The following ERG variants were observed in gnomAD, a reference collection of about 807,000 sequenced individuals.
ERG encodes transcriptional regulator ERG.
Under a neutral mutation model 55.3 loss-of-function variants are expected in ERG, and 9 were observed. The observed-to-expected ratio is 0.16, with a 90% CI of 0.10 to 0.28. ERG has a LOEUF of 0.28. Ranked by LOEUF, ERG falls within the 10% of genes least tolerant of loss-of-function variation. ERG has a pLI of 1.00. For synonymous variants in ERG, 223 were observed against 237.3 expected, an observed-to-expected ratio of 0.94 and a Z score of 0.55; for missense variants, 434 against 631.6, an observed-to-expected ratio of 0.69 and a Z score of 3.35.
rs538036511 is a variant in ERG, at chr21:38,491,919, T to G, written c.18+6444A>C. Among the ~76,000 whole-genome samples, 3 of 152,360 alleles carry G rather than the reference T, an allele frequency of 2.0e-5. No individual in the cohort carries two copies. The South Asian group carries it at 6.2e-4, about 32-fold the overall frequency. On this transcript the variant is annotated intron_variant, in intron 1 of 9. Coordinates refer to ENST00000288319, the MANE Select transcript of ERG (RefSeq NM_182918.4). Reference sequence around the variant, plus strand: ...GTGCTAGAGTTTTACCTCTTGAATTTTCTAGAACTTTGTTTTGATTAGCCA... The same window carrying G: ...GTGCTAGAGTTTTACCTCTTGAATTGTCTAGAACTTTGTTTTGATTAGCCA...
At chr21:38,643,762 T>C (rs2060439606) in intron 1 of ERG, among the ~76,000 whole-genome samples, 1 of 152,152 alleles carries the variant, frequency 6.6e-6, no homozygotes, top group Non-Finnish European at 1.5e-5. Context: ...TTTGGGTCAA[T>C]GTAAAGGATA....
chr21:38,660,989 C>T (rs2060551593), intron 1 of ERG, among the ~76,000 whole-genome samples: 1 of 151,818 alleles, frequency 6.6e-6, no homozygotes, highest in Admixed American at 6.6e-5. Context: ...CTGGCGGCTC[C>T]GGGAGGAAGA....
At chr21:38,473,563 A>G (rs902707978) in intron 1 of ERG, among the ~76,000 whole-genome samples, 3 of 152,196 alleles carry the variant, frequency 2.0e-5, no homozygotes, top group Non-Finnish European at 4.4e-5. Flanking sequence ...AATTGACTCA[A>G]ATCTGGGAGC....
intron 2 of ERG, among the ~76,000 whole-genome samples, chr21:38,441,223 C>A (rs1378950232): frequency 4.6e-5 from 7 of 152,162 alleles, no homozygotes; most frequent in Admixed American, 1.3e-4. Flanking sequence ...GGGTCAGTTT[C>A]CTGTGTCAAC....
intron 1 of ERG, among the ~76,000 whole-genome samples, chr21:38,631,401 C>T (rs1234118524): frequency 1.3e-5 from 2 of 151,954 alleles, no homozygotes; most frequent in Non-Finnish European, 1.5e-5. Context: ...ACACTAAACG[C>T]CCACACGTCT....
At chr21:38,661,393 G>C (rs2060555471) in intron 1 of ERG, among the ~76,000 whole-genome samples, 1 of 152,220 alleles carries the variant, frequency 6.6e-6, no homozygotes, top group South Asian at 2.1e-4. Flanking sequence ...AGAGCGTCCG[G>C]AGGGAGAGGC....
intron 2 of ERG, among the ~76,000 whole-genome samples, chr21:38,548,614 ATTTTTTT>A (rs58333375): frequency 9.3e-6 from 1 of 107,176 alleles, no homozygotes; most frequent in Non-Finnish European, 1.8e-5. Flanking sequence ...CGCCCGGCTA[ATTTTTTT>A]TTTTTTTTTT....
chr21:38,531,426 G>C lies in ERG; in HGVS notation c.-41+44236C>G, dbSNP rs1255091905. On this transcript the variant is annotated intron_variant, in intron 2 of 8. Coordinates refer to the ERG transcript ENST00000398897. ...TAAAATCACCATTTACAGTGTTTGA[G>C]CCCTCCTTCACACTTTGAAGAAGGG... Among the ~76,000 whole-genome samples, 12 of 152,228 alleles carry C rather than the reference G, an allele frequency of 7.9e-5. No homozygotes were observed. In the South Asian group the frequency reaches 2.5e-3, roughly 32 times the overall value.
At chr21:38,433,644 C>A (rs934721983) in intron 2 of ERG, among the ~76,000 whole-genome samples, 1 of 151,600 alleles carries the variant, frequency 6.6e-6, no homozygotes, top group Non-Finnish European at 1.5e-5. Context: ...AGCATGGAGC[C>A]TCAGCCCTTG....
Position 38,423,234 on chromosome 21 carries a change from C to T in ERG, c.388+176G>A, listed in dbSNP as rs138002925. On this transcript the variant is annotated intron_variant, in intron 3 of 9. Transcript: ENST00000288319. ...AGGTGTATTTTTCTTGCTTTGCTGT[C>T]GATCCGTGAACATGTCCTCATGCAT... 3.8e-3 allele frequency among the ~76,000 whole-genome samples: 572 copies of T among 152,158 alleles called. 2 individuals are homozygous for T. The highest frequency in any genetic ancestry group is 0.013 in the African/African-American group (554 of 41,504).
chr21:38,542,638 G>T (rs967267375), intron 2 of ERG, among the ~76,000 whole-genome samples: 38 of 152,124 alleles, frequency 2.5e-4, no homozygotes, highest in African/African-American at 5.5e-4. Context: ...AAAATGAATT[G>T]TTGGTCTAAT....
chr21:38,406,154 C>CAAAAAAAAAAAAAAAAAAAAAAAAA (rs56711562), intron 3 of ERG, among the ~76,000 whole-genome samples: 3 of 95,024 alleles, frequency 3.2e-5, no homozygotes, highest in Admixed American at 2.7e-4. Context: ...GACTCCATCT[C>CAAAAAAAAAAAAAAAAAAAAAAAAA]AAAAAAAAAA....
At chr21:38,657,693 G>T (rs752718548) in intron 1 of ERG, among the ~76,000 whole-genome samples, 1 of 152,166 alleles carries the variant, frequency 6.6e-6, no homozygotes, top group Non-Finnish European at 1.5e-5. Context: ...GAAAACTCCC[G>T]CTGTTGTTTA....
At chr21:38,444,329 T>C (rs1388113455) in intron 2 of ERG, among the ~76,000 whole-genome samples, 1 of 152,168 alleles carries the variant, frequency 6.6e-6, no homozygotes, top group Non-Finnish European at 1.5e-5. Context: ...CACAGGTTTC[T>C]TCATCCATCA....
In ERG at chr21:38,567,077, G is replaced by T. The variant is rs1016874019; in HGVS notation, c.-41+8585C>A. On this transcript the variant is annotated intron_variant, in intron 2 of 8. Transcript: ENST00000398897. ...CTTAACGAGGAATCGCCAGACTGGG[G>T]GGGGGATTGTGCAGCATGTCTGGGG... Among the ~76,000 whole-genome samples, 174 of 152,164 alleles carry T rather than the reference G, an allele frequency of 1.1e-3. 1 individual carries two copies. The highest frequency in any genetic ancestry group is 2.8e-4 in the Non-Finnish European group (19 of 68,028).
intron 2 of ERG, among the ~76,000 whole-genome samples, chr21:38,510,020 C>T (rs1182123680): frequency 3.3e-5 from 5 of 152,264 alleles, no homozygotes; most frequent in Non-Finnish European, 7.4e-5. Flanking sequence ...CTGGAGGGGC[C>T]TTCGCTGTGG....
At chr21:38,588,888 GCTAA>G (rs2060083087), upstream of ERG, among the ~76,000 whole-genome samples, 1 of 124,712 alleles carries the variant, frequency 8.0e-6, no homozygotes, top group Non-Finnish European at 1.8e-5. Flanking sequence ...ACCATGCCTG[GCTAA>G]TTTTTAAAAA....
chr21:38,520,438 A>G (rs1244656204), intron 2 of ERG, among the ~76,000 whole-genome samples: 1 of 152,202 alleles, frequency 6.6e-6, no homozygotes, highest in Non-Finnish European at 1.5e-5. Flanking sequence ...GACACAAGCC[A>G]GGGCTGAACA....
At chr21:38,567,631 T>G (rs770024040) in intron 2 of ERG, among the ~76,000 whole-genome samples, 6 of 152,190 alleles carry the variant, frequency 3.9e-5, no homozygotes, top group Non-Finnish European at 8.8e-5. Context: ...GGATAAACTT[T>G]CACCTTCCTG....
Sources: allele counts gnomAD v4.1 joint callset (sites outside exome capture counted in the v4.1 genomes callset), GRCh38; gene constraint gnomAD v4.1.1; transcripts MANE v1.5; gene names NCBI Gene and HGNC (gene_info 2026-07-23, HGNC 2026-07-21).